The following ZNF365 variants were observed in gnomAD, a reference collection of about 807,000 sequenced individuals.
ZNF365 encodes the protein zinc finger protein 365, also known as protein ZNF365.
A neutral mutation model predicts 35.0 loss-of-function variants in ZNF365; 22 were observed. The observed-to-expected ratio is 0.63, with a 90% confidence interval of 0.45 to 0.90. ZNF365 has a LOEUF of 0.90. Ranked by LOEUF, ZNF365 falls within the 40% of genes least tolerant of loss-of-function variation. ZNF365 has a pLI of 0.00. For synonymous variants in ZNF365, 188 were observed against 196.2 expected (o/e 0.96, Z 0.35); for missense variants, 448 against 500.3 (o/e 0.90, Z 1.00).
chr10:62,460,001 T>A (rs1378265461), intron 4 of ZNF365, among the ~76,000 whole-genome samples: 1 of 152,238 alleles, frequency 6.6e-6, no homozygotes, highest in Non-Finnish European at 1.5e-5. Context: ...GTCCATTATA[T>A]TCTGTAGCTT....
chr10:62,446,740 A>G (rs1323795878), intron 3 of ZNF365, among the ~76,000 whole-genome samples: 2 of 152,198 alleles, frequency 1.3e-5, no homozygotes, highest in African/African-American at 2.4e-5. Context: ...GTCGTTTTGT[A>G]GAGTTCTGGG....
intron 1 of ZNF365, among the ~76,000 whole-genome samples, chr10:62,375,070 T>C (rs773598441): frequency 2.0e-5 from 3 of 152,090 alleles, no homozygotes; most frequent in Non-Finnish European, 4.4e-5. Flanking sequence ...TGAGGACACT[T>C]TTCACCCAAA....
chr10:62,430,426 C>T (rs895971357), intron 3 of ZNF365, among the ~76,000 whole-genome samples: 3 of 152,034 alleles, frequency 2.0e-5, no homozygotes, highest in South Asian at 4.1e-4. Context: ...GTGATCCACC[C>T]GCCTCGGCCT....
At chr10:62,468,046 A>G (rs1050252988) in intron 4 of ZNF365, among the ~76,000 whole-genome samples, 6 of 152,214 alleles carry the variant, frequency 3.9e-5, no homozygotes, top group African/African-American at 1.4e-4. Context: ...TGGGCCAAAA[A>G]TTGCACATTT....
At chr10:62,452,565 T>A (rs1255840364) in intron 3 of ZNF365, among the ~76,000 whole-genome samples, 1 of 152,200 alleles carries the variant, frequency 6.6e-6, no homozygotes, top group Non-Finnish European at 1.5e-5. Flanking sequence ...TCTATCTCCC[T>A]GGAGCAACAA....
chr10:62,467,723 C>T (rs751065003), intron 4 of ZNF365, among the ~76,000 whole-genome samples: 2 of 152,196 alleles, frequency 1.3e-5, no homozygotes, highest in African/African-American at 4.8e-5. Flanking sequence ...ATGAAGTCAC[C>T]CTTTCAGAGG....
rs553925546 is a variant in ZNF365, at chr10:62,430,059, T to C, written c.925-29682T>C. On this transcript the variant is annotated intron_variant, in intron 3 of 4. Coordinates refer to the ZNF365 transcript ENST00000395255. The stretch of plus-strand genomic sequence containing the variant: ...GGTCTATCATGTGAATGTACTATAA[T>C]TGATCCAACTAATAATTTAACATAA... 1.6e-4 allele frequency among the ~76,000 whole-genome samples: 24 copies of C among 152,324 alleles called. No homozygotes were observed. The South Asian group carries it at 4.6e-3, about 29-fold the overall frequency.
chr10:62,451,353 C>T (rs530671509), intron 3 of ZNF365, among the ~76,000 whole-genome samples: 1 of 152,172 alleles, frequency 6.6e-6, no homozygotes, highest in African/African-American at 2.4e-5. Flanking sequence ...TTGAGCTGCT[C>T]GTTCATGGCT....
chr10:62,390,011 G>T (rs938385656), intron 3 of ZNF365, among the ~76,000 whole-genome samples: 1 of 152,012 alleles, frequency 6.6e-6, no homozygotes, highest in Non-Finnish European at 1.5e-5. Context: ...TGGCTGGAGG[G>T]ACTATCTGAG....
At chr10:62,379,731 TG>T (rs1287378743) in intron 2 of ZNF365, among the ~76,000 whole-genome samples, 1 of 152,186 alleles carries the variant, frequency 6.6e-6, no homozygotes, top group African/African-American at 2.4e-5. Flanking sequence ...TGCATCTGCC[TG>T]GCTGGGTGGT....
chr10:62,389,449 T>G (rs553869260), intron 3 of ZNF365, among the ~76,000 whole-genome samples: 77 of 152,040 alleles, frequency 5.1e-4, no homozygotes, highest in African/African-American at 1.7e-3. Context: ...GTTTTTTTTT[T>G]TACTGCTTCC....
chr10:62,466,750 G>A (rs1286052063), intron 4 of ZNF365, among the ~76,000 whole-genome samples: 1 of 151,614 alleles, frequency 6.6e-6, no homozygotes, highest in East Asian at 1.9e-4. Context: ...CCTAACCAGA[G>A]CATTCAACAG....
intron 4 of ZNF365, among the ~76,000 whole-genome samples, chr10:62,468,309 G>A (rs960408675): frequency 1.3e-5 from 2 of 152,098 alleles, no homozygotes; most frequent in Non-Finnish European, 2.9e-5. Context: ...ATGTATGTAT[G>A]TATTATGAAT....
chr10:62,400,315 C>T lies in ZNF365; in HGVS notation c.*526C>T. On this transcript the variant is annotated 3_prime_UTR_variant, in exon 5 of 5. Transcript: ENST00000395254. ...TAAGGATTCCCATTCCCCGAGTATTCTGGTTAATCAAGATTTCAATTTCTG... is the reference window on the plus strand; with the variant it reads ...TAAGGATTCCCATTCCCCGAGTATTTTGGTTAATCAAGATTTCAATTTCTG... The T allele has an allele frequency of 1.0e-6, 1 of 986,640 alleles. No homozygotes were observed. 61.1% of individuals were successfully genotyped at this position (986,640 alleles called of 1,614,324 possible).
At chr10:62,446,385 G>A (rs1382608763) in intron 3 of ZNF365, among the ~76,000 whole-genome samples, 1 of 152,136 alleles carries the variant, frequency 6.6e-6, no homozygotes, top group Non-Finnish European at 1.5e-5. Context: ...TTGTTCATGT[G>A]TAAAATGGAA....
At chr10:62,449,638 G>A (rs193157462) in intron 3 of ZNF365, among the ~76,000 whole-genome samples, 49 of 152,210 alleles carry the variant, frequency 3.2e-4, no homozygotes, top group African/African-American at 1.0e-3. Context: ...CTCTATAAAG[G>A]ATGGACATTT....
chr10:62,409,676 A>C (rs1201064292), intron 3 of ZNF365, among the ~76,000 whole-genome samples: 1 of 152,132 alleles, frequency 6.6e-6, no homozygotes, highest in African/African-American at 2.4e-5. Context: ...CTGTTCCTCA[A>C]ACAGAATAAT....
chr10:62,406,307 A>G (rs1379897659), downstream of ZNF365, among the ~76,000 whole-genome samples: 2 of 152,060 alleles, frequency 1.3e-5, no homozygotes, highest in African/African-American at 4.8e-5. Flanking sequence ...CAGATTTGAG[A>G]TCAATTGTCA....
chr10:62,420,592 G>T (rs1840151147), intron 3 of ZNF365, among the ~76,000 whole-genome samples: 1 of 152,150 alleles, frequency 6.6e-6, no homozygotes, highest in African/African-American at 2.4e-5. Flanking sequence ...TACTTAGCAA[G>T]CTTTACTGTC....
Sources: gnomAD v4.1 joint callset for allele counts (sites outside exome capture counted in the v4.1 genomes callset) on GRCh38, gnomAD v4.1.1 for gene constraint, MANE v1.5 for transcripts, NCBI Gene and HGNC (gene_info 2026-07-23, HGNC 2026-07-21) for gene names.